The following BARD1 variants were observed in gnomAD, a reference collection of about 807,000 sequenced individuals.
BARD1 encodes the protein BRCA1 associated RING domain 1.
In BARD1, 73 loss-of-function variants were observed where a neutral mutation model predicts 77.0. The observed-to-expected ratio is 0.95, with a 90% CI of 0.79 to 1.15. The LOEUF is 1.15. Among genes scored for constraint, BARD1 ranks in the 50% most tolerant of loss-of-function variants. The probability of loss-of-function intolerance (pLI) is 0.00; values close to 1 mark genes in which losing one functional copy is unlikely to be tolerated. For missense variants in BARD1, 993 were observed against 938.8 expected (o/e 1.06, Z -0.75); for synonymous variants, 384 against 338.0 (o/e 1.14, Z -1.49).
intron 9 of BARD1, among the ~76,000 whole-genome samples, chr2:214,736,019 C>A (rs1692551411): frequency 6.6e-6 from 1 of 151,876 alleles, no homozygotes. Context: ...GTCATATTCA[C>A]CCAAGGTTGC....
intron 3 of BARD1, among the ~76,000 whole-genome samples, chr2:214,782,865 T>C (rs1695103986): frequency 6.6e-6 from 1 of 152,168 alleles, no homozygotes; most frequent in East Asian, 1.9e-4. Flanking sequence ...GTAGAAACAA[T>C]AGCCAATTAT....
At chr2:214,771,240 T>C (rs1694470919) in intron 4 of BARD1, among the ~76,000 whole-genome samples, 1 of 152,044 alleles carries the variant, frequency 6.6e-6, no homozygotes, top group African/African-American at 2.4e-5. Context: ...AAAGACCAAA[T>C]AAAAAGCTAT....
intron 7 of BARD1, among the ~76,000 whole-genome samples, chr2:214,747,571 C>T (rs936356565): frequency 6.0e-5 from 9 of 151,150 alleles, no homozygotes; most frequent in Non-Finnish European, 1.2e-4. Flanking sequence ...ATGGATGAAA[C>T]TGGAAACCAT....
At chr2:214,729,453 C>A (rs546919839) in intron 10 of BARD1, among the ~76,000 whole-genome samples, 1 of 152,132 alleles carries the variant, frequency 6.6e-6, no homozygotes, top group Non-Finnish European at 1.5e-5. Context: ...CAATTATGAG[C>A]AGCTAAGAAG....
At chr2:214,752,662 A>C (rs1279654718) in intron 6 of BARD1, 107 bp from the exon 7 acceptor site, 1 of 810,700 alleles carries the variant, frequency 1.2e-6, no homozygotes, top group East Asian at 2.7e-5. Context: ...AATTACTCAG[A>C]ACTCATATTA....
chr2:214,781,745 G>A (rs975140660), intron 3 of BARD1, among the ~76,000 whole-genome samples: 2 of 151,998 alleles, frequency 1.3e-5, no homozygotes, highest in Non-Finnish European at 2.9e-5. Context: ...AACAAAACAT[G>A]AAACTTATAT....
At chr2:214,809,215 G>C (rs745541986) in intron 1 of BARD1, among the ~76,000 whole-genome samples, 197 bp downstream of exon 1, 14 of 152,342 alleles carry the variant, frequency 9.2e-5, no homozygotes, top group Admixed American at 5.2e-4. Context: ...GGGGAGGCCG[G>C]TAAGTCGCCC....
At chr2:214,800,053 C>A (rs930678776) in intron 1 of BARD1, among the ~76,000 whole-genome samples, 1 of 152,200 alleles carries the variant, frequency 6.6e-6, no homozygotes, top group Non-Finnish European at 1.5e-5. Context: ...GGATGCAGTC[C>A]GTAGCCTTCC....
chr2:214,738,227 A>G (rs1692653810), intron 9 of BARD1, among the ~76,000 whole-genome samples: 1 of 152,148 alleles, frequency 6.6e-6, no homozygotes, highest in Non-Finnish European at 1.5e-5. Flanking sequence ...AGCTATTACA[A>G]CTAGAGATTC....
intron 2 of BARD1, 169 bp downstream of exon 2, chr2:214,796,892 A>G: frequency 1.6e-6 from 1 of 627,034 alleles, no homozygotes. Context: ...TCTTATTTGT[A>G]AATTAAGACA....
At chr2:214,736,620 A>C (rs909544603) in intron 9 of BARD1, among the ~76,000 whole-genome samples, 4 of 152,144 alleles carry the variant, frequency 2.6e-5, no homozygotes, top group Non-Finnish European at 4.4e-5. Flanking sequence ...AAACACATTA[A>C]AATGGCATCT....
chr2:214,745,168 C>CA lies in BARD1; in HGVS notation c.1811-10dup, dbSNP rs760333316. ...AACAACAACATGAGTTACTAAAATA[C>CA]AAAAAAAGCAGTAAGAGAAAGAAAG... On this transcript the variant is annotated splice_polypyrimidine_tract_variant and intron_variant, in intron 8 of 10. Coordinates refer to ENST00000260947, the MANE Select transcript of BARD1 (RefSeq NM_000465.4). The CA allele has an allele frequency of 1.6e-5, 26 of 1,608,906 alleles. No homozygotes were observed. The South Asian group carries it at 1.6e-4, about 10-fold the overall frequency.
At chr2:214,788,936 C>G (rs1034178352) in intron 3 of BARD1, among the ~76,000 whole-genome samples, 1 of 151,830 alleles carries the variant, frequency 6.6e-6, no homozygotes, top group African/African-American at 2.4e-5. Flanking sequence ...GGAAATGTTC[C>G]AGAAAAAAAT....
At chr2:214,761,326 CTATGAG>C (rs1316195059) in intron 6 of BARD1, among the ~76,000 whole-genome samples, 1 of 149,554 alleles carries the variant, frequency 6.7e-6, no homozygotes, top group Non-Finnish European at 1.5e-5. Flanking sequence ...TTTTTAGAAA[CTATGAG>C]TATAATTTTG....
intron 9 of BARD1, among the ~76,000 whole-genome samples, chr2:214,734,278 C>T (rs1692476628): frequency 6.6e-6 from 1 of 151,892 alleles, no homozygotes; most frequent in Non-Finnish European, 1.5e-5. Flanking sequence ...GAGTTTTAGC[C>T]ATTTATAGCT....
intron 4 of BARD1, among the ~76,000 whole-genome samples, chr2:214,770,513 A>C (rs930036744): frequency 7.9e-5 from 12 of 152,218 alleles, no homozygotes; most frequent in African/African-American, 2.9e-4. Flanking sequence ...TCCGGGGAAT[A>C]AGTGAATTAA....
chr2:214,754,049 T>G (rs1693582010), intron 6 of BARD1, among the ~76,000 whole-genome samples: 1 of 152,072 alleles, frequency 6.6e-6, no homozygotes, highest in African/African-American at 2.4e-5. Context: ...TAAAAGAAAC[T>G]CATCCACTAT....
chr2:214,741,582 G>A (rs1194259858), intron 9 of BARD1, among the ~76,000 whole-genome samples: 6 of 152,044 alleles, frequency 3.9e-5, no homozygotes, highest in African/African-American at 7.2e-5. Context: ...TGGTGCTAAT[G>A]GCCTGTGAGA....
intron 1 of BARD1, among the ~76,000 whole-genome samples, chr2:214,802,893 G>A (rs1696088512): frequency 6.6e-6 from 1 of 152,172 alleles, no homozygotes; most frequent in Non-Finnish European, 1.5e-5. Flanking sequence ...AAAGATCAGT[G>A]TGGGGAAAAG....
Sources: allele counts gnomAD v4.1 joint callset (sites outside exome capture counted in the v4.1 genomes callset), GRCh38; gene constraint gnomAD v4.1.1; transcripts MANE v1.5; gene names NCBI Gene and HGNC (gene_info 2026-07-23, HGNC 2026-07-21).